The following STK35 variants were observed in gnomAD, a reference collection of about 807,000 sequenced individuals.
STK35 encodes the protein serine/threonine-protein kinase 35.
A neutral mutation model predicts 37.3 loss-of-function variants in STK35; 17 were observed. The observed-to-expected ratio is 0.46, with a 90% CI of 0.31 to 0.68. The LOEUF (loss-of-function observed/expected upper bound fraction) is 0.68. STK35 is among the 30% of genes least tolerant of loss of function. STK35 has a pLI of 0.05. For synonymous variants in STK35, 385 were observed against 319.1 expected (o/e 1.21, Z -2.20); for missense variants, 595 against 746.7 (o/e 0.80, Z 2.37).
intron 2 of STK35, among the ~76,000 whole-genome samples, chr20:2,113,784 G>A (rs1299778685): frequency 1.3e-5 from 2 of 152,182 alleles, no homozygotes; most frequent in African/African-American, 4.8e-5. Flanking sequence ...TCTGCCAAAT[G>A]TAGTTCCTAT....
chr20:2,129,333 G>A (rs759424808), intron 3 of STK35, among the ~76,000 whole-genome samples: 4 of 152,158 alleles, frequency 2.6e-5, no homozygotes, highest in Admixed American at 6.5e-5. Flanking sequence ...AGGGATTGCC[G>A]TGGGGATTAC....
intron 2 of STK35, among the ~76,000 whole-genome samples, chr20:2,106,035 C>T (rs1985508958): frequency 6.6e-6 from 1 of 152,180 alleles, no homozygotes; most frequent in Non-Finnish European, 1.5e-5. Flanking sequence ...TGTGTTGTTT[C>T]TGCTTATGAA....
At chr20:2,105,644 A>G (rs1055186054) in intron 2 of STK35, among the ~76,000 whole-genome samples, 3 of 152,324 alleles carry the variant, frequency 2.0e-5, no homozygotes, top group South Asian at 4.1e-4. Context: ...CATTAGGTAC[A>G]TAGGGTCACT....
At chr20:2,110,870 G>C (rs1985604010) in intron 2 of STK35, among the ~76,000 whole-genome samples, 1 of 152,230 alleles carries the variant, frequency 6.6e-6, no homozygotes, top group African/African-American at 2.4e-5. Flanking sequence ...CACTAAGGCA[G>C]TCACAGTGCT....
intron 2 of STK35, among the ~76,000 whole-genome samples, chr20:2,110,943 T>G (rs924712412): frequency 6.6e-6 from 1 of 152,206 alleles, no homozygotes; most frequent in Admixed American, 6.5e-5. Context: ...AGTTACTTAA[T>G]CTTTTGCTCC....
intron 3 of STK35, among the ~76,000 whole-genome samples, chr20:2,136,814 C>T (rs114554061): frequency 7.7e-4 from 117 of 152,306 alleles, no homozygotes; most frequent in African/African-American, 2.7e-3. Context: ...GGTTGGAGCA[C>T]ACGACAAGGC....
chr20:2,135,636 G>T (rs1161665410), intron 3 of STK35, among the ~76,000 whole-genome samples: 1 of 152,228 alleles, frequency 6.6e-6, no homozygotes. Flanking sequence ...GCCAAGGCAG[G>T]AGGATCACTT....
At position 2,147,319 on chromosome 20, in the gene STK35, C is replaced by T. The variant is rs1986288525; in HGVS notation, c.*3573C>T. ...CTCCTCCAAGATCTCAGCTCCTTAA[C>T]ATATCAGTTGTCTCCTAGCCTAGAA... On this transcript the variant is annotated 3_prime_UTR_variant, in exon 4 of 4. Coordinates refer to ENST00000381482, the MANE Select transcript of STK35 (RefSeq NM_080836.4). 1 of 152,752 alleles carries T rather than the reference C, an allele frequency of 6.5e-6. No homozygotes were observed. The allele number at this position is 152,752 out of a possible 1,614,324, so 9.5% of individuals were successfully genotyped here.
In STK35 at chr20:2,143,822, C is replaced by A. The variant is rs906744097; in HGVS notation, c.*76C>A. On this transcript the variant is annotated 3_prime_UTR_variant, in exon 4 of 4. Coordinates refer to ENST00000381482, the MANE Select transcript of STK35 (RefSeq NM_080836.4). Reference sequence around the variant, plus strand: ...GACCCACAGTCTCACCACGTCTCCTCCAGAGGACGGCAGAGGGTACAGGTG... The same window carrying A: ...GACCCACAGTCTCACCACGTCTCCTACAGAGGACGGCAGAGGGTACAGGTG... The A allele has an allele frequency of 2.4e-6, 1 of 415,128 alleles. No homozygotes were observed. The highest frequency in any genetic ancestry group is 3.5e-5 in the Admixed American group (1 of 28,810). The allele number at this position is 415,128 out of a possible 1,614,324, so 25.7% of individuals were successfully genotyped here. A position where few individuals can be genotyped will look rare whatever the true frequency, so the allele number is the denominator to read the frequency against.
rs1470852285 is a variant in STK35, at chr20:2,147,205, C to G, written c.*3459C>G. 2 of 152,722 alleles carry G rather than the reference C, an allele frequency of 1.3e-5. No homozygotes were observed. Among genetic ancestry groups the G allele is most frequent in the African/African-American group, 4.8e-5 (2 of 41,384 alleles). 9.5% of individuals were successfully genotyped at this position (152,722 alleles called of 1,614,324 possible). ...GGGGCAGGGGCAAACGCCCTCCGCTCCCTCTGCTCCCAACCCTGTGGTGCT... is the reference window on the plus strand; with the variant it reads ...GGGGCAGGGGCAAACGCCCTCCGCTGCCTCTGCTCCCAACCCTGTGGTGCT... On this transcript the variant is annotated 3_prime_UTR_variant, in exon 4 of 4. Coordinates refer to ENST00000381482, the MANE Select transcript of STK35 (RefSeq NM_080836.4).
chr20:2,135,794 G>A (rs971089087), intron 3 of STK35, among the ~76,000 whole-genome samples: 4 of 152,212 alleles, frequency 2.6e-5, no homozygotes, highest in Non-Finnish European at 5.9e-5. Flanking sequence ...AGGTTGCAGT[G>A]AGCCGAGATT....
intron 2 of STK35, among the ~76,000 whole-genome samples, chr20:2,114,659 A>G (rs959113936): frequency 6.6e-6 from 1 of 152,064 alleles, no homozygotes; most frequent in Admixed American, 6.5e-5. Flanking sequence ...CCAACCACTC[A>G]CAAACTTTGG....
At position 2,134,552 on chromosome 20, in the gene STK35, A is replaced by T. The variant is rs531860446; in HGVS notation, c.*38-9232A>T. Among the ~76,000 whole-genome samples the T allele has an allele frequency of 7.9e-5, 12 of 152,298 alleles. No individual in the cohort carries two copies. The South Asian group carries it at 2.5e-3, about 32-fold the overall frequency. On this transcript the variant is annotated intron_variant, in intron 3 of 3. Coordinates refer to ENST00000381482, the MANE Select transcript of STK35 (RefSeq NM_080836.4). Reference sequence around the variant, plus strand: ...GCCTCTTCTCAGTATTCTTTGTGCCATGTTCCTTTCTCAGAACCTGAATGG... The same window carrying T: ...GCCTCTTCTCAGTATTCTTTGTGCCTTGTTCCTTTCTCAGAACCTGAATGG...
chr20:2,126,425 T>C (rs567835027), intron 3 of STK35, among the ~76,000 whole-genome samples: 1 of 152,260 alleles, frequency 6.6e-6, no homozygotes, highest in East Asian at 1.9e-4. Context: ...GGGTACCTTG[T>C]AAGCCAGGTG....
At chr20:2,136,477 A>C (rs964063448) in intron 3 of STK35, among the ~76,000 whole-genome samples, 2 of 152,224 alleles carry the variant, frequency 1.3e-5, no homozygotes, top group South Asian at 4.1e-4. Context: ...AGTTTGGAGA[A>C]GTGGCCCAGC....
At chr20:2,114,813 T>C (rs6112898) in intron 2 of STK35, among the ~76,000 whole-genome samples, 47,464 of 152,238 alleles carry the variant, frequency 0.31, 7,990 homozygotes, top group Non-Finnish European at 0.39. Context: ...TCCTCTTCCT[T>C]TATTCCCCCA....
At chr20:2,105,631 T>TG (rs1221819510) in intron 2 of STK35, among the ~76,000 whole-genome samples, 1 of 152,188 alleles carries the variant, frequency 6.6e-6, no homozygotes, top group African/African-American at 2.4e-5. Context: ...TATGTACCTA[T>TG]GACATTAGGT....
chr20:2,131,463 A>G (rs1369433006), intron 3 of STK35, among the ~76,000 whole-genome samples: 1 of 151,824 alleles, frequency 6.6e-6, no homozygotes, highest in East Asian at 1.9e-4. Context: ...AAATTATATT[A>G]AAGTTTTGTT....
intron 3 of STK35, among the ~76,000 whole-genome samples, chr20:2,123,663 G>A (rs1467462995): frequency 1.3e-5 from 2 of 152,208 alleles, no homozygotes; most frequent in Non-Finnish European, 2.9e-5. Flanking sequence ...GAAAAGAAAT[G>A]CGTAATTAAC....
Sources: gnomAD v4.1 joint callset for allele counts (sites outside exome capture counted in the v4.1 genomes callset) on GRCh38, gnomAD v4.1.1 for gene constraint, MANE v1.5 for transcripts, NCBI Gene and HGNC (gene_info 2026-07-23, HGNC 2026-07-21) for gene names.